The following STYXL2 variants were observed in gnomAD, a reference collection of about 807,000 sequenced individuals.
The protein encoded by STYXL2 is serine/threonine/tyrosine-interacting-like protein 2.
In STYXL2, 44 loss-of-function variants were observed where a neutral mutation model predicts 52.4. That is an observed-to-expected ratio of 0.84 (90% CI 0.66 to 1.08). The LOEUF (loss-of-function observed/expected upper bound fraction) is 1.08. Among genes scored for constraint, STYXL2 ranks in the 50% least tolerant of loss-of-function variants. STYXL2 has a pLI of 0.00. For missense variants in STYXL2, 1,604 were observed against 1,471.7 expected, an observed-to-expected ratio of 1.09 and a Z score of -1.47; for synonymous variants, 604 against 586.9, an observed-to-expected ratio of 1.03 and a Z score of -0.42.
chr1:167,100,255 CCTCT>C (rs1008329262), intron 2 of STYXL2, among the ~76,000 whole-genome samples: 7 of 152,214 alleles, frequency 4.6e-5, no homozygotes, highest in Admixed American at 1.3e-4. Context: ...GAAAAGCATT[CCTCT>C]CTCTTAACAA....
rs373710936 is a variant in STYXL2, at chr1:167,126,166, G to A, written c.1035G>A (p.Glu345=). 3.1e-5 allele frequency: 47 copies of A among 1,514,208 alleles called. No homozygotes were observed. The Admixed American group carries it at 3.5e-4, about 11-fold the overall frequency. The allele number at this position is 1,514,208 out of a possible 1,614,324, so 93.8% of individuals were successfully genotyped here. The change falls in exon 6 of 6, where the codon GAG becomes GAA. Residue 345 remains glutamate, a synonymous_variant. Transcript: ENST00000361200. ...AGCCCCTCACCCTCATAGACGAGGA[G>A]GAGGAGGAGAAACTGTACGAGCAGT... ...ASKPLTLIDE[E]EEEKLYEQWK...
rs1246457651 is a variant in STYXL2 at position 167,126,451 on chromosome 1, G to A, written c.1320G>A (p.Trp440Ter). 8.8e-6 allele frequency: 14 copies of A among 1,584,174 alleles called. No individual in the cohort carries two copies. Among genetic ancestry groups the A allele is most frequent in the Non-Finnish European group, 1.2e-5 (14 of 1,165,742 alleles). ...RRRTLSESSA[W>*]ESVSSHDIWV... ...GCACCCTGAGCGAGAGCAGCGCCTGGGAGAGCGTGAGCAGCCACGACATCT... is the reference window on the plus strand; with the variant it reads ...GCACCCTGAGCGAGAGCAGCGCCTGAGAGAGCGTGAGCAGCCACGACATCT... The change falls in exon 6 of 6, where the codon TGG becomes TGA. Residue 440 changes from tryptophan (W) to a stop codon, truncating the protein, a stop_gained. Coordinates refer to ENST00000361200, the MANE Select transcript of STYXL2 (RefSeq NM_001080426.3). LOFTEE classifies it low-confidence loss of function (END_TRUNC).
chr1:167,100,688 T>A (rs1667386053), intron 2 of STYXL2, among the ~76,000 whole-genome samples: 2 of 152,208 alleles, frequency 1.3e-5, no homozygotes. Context: ...CCTTAAAACA[T>A]GGCCCCACAT....
chr1:167,127,355 ATGC>A lies in STYXL2; in HGVS notation c.2230_2232del (p.Leu745del). On this transcript the variant is annotated inframe_deletion, in exon 6 of 6. Transcript: ENST00000361200. The stretch of plus-strand genomic sequence containing the variant: ...GACCCTTGCTCAGAAGCAAAATGAA[ATGC>A]TGCTGTTGTCCCGCTCACCGTCTGT... The A allele has an allele frequency of 6.2e-7, 1 of 1,614,190 alleles. No homozygotes were observed. The highest frequency in any genetic ancestry group is 8.5e-7 in the Non-Finnish European group (1 of 1,180,030).
intron 2 of STYXL2, among the ~76,000 whole-genome samples, chr1:167,105,450 C>T (rs1667490264): frequency 6.6e-6 from 1 of 152,154 alleles, no homozygotes. Context: ...TCTTGAACAG[C>T]CAGCCCTCAC....
chr1:167,094,721 C>A (rs959654412), intron 1 of STYXL2, 113 bp from the exon 2 acceptor site: 2 of 712,302 alleles, frequency 2.8e-6, no homozygotes, highest in South Asian at 1.8e-5. Context: ...TTTTGCCCAC[C>A]GGGACCTTCC....
At chr1:167,116,738 A>T (rs531668934) in intron 3 of STYXL2, among the ~76,000 whole-genome samples, 1 of 137,362 alleles carries the variant, frequency 7.3e-6, no homozygotes, top group South Asian at 2.2e-4. Context: ...TGCAACCTCC[A>T]TTTCCCAGGT....
chr1:167,097,491 T>G (rs1458360741), intron 2 of STYXL2, among the ~76,000 whole-genome samples: 1 of 152,188 alleles, frequency 6.6e-6, no homozygotes, highest in Non-Finnish European at 1.5e-5. Flanking sequence ...TATCTGAAAC[T>G]GTAAATTTGG....
At position 167,110,076 on chromosome 1, in the gene STYXL2, C is replaced by A. The variant is rs1469343767; in HGVS notation, c.111-3634C>A. On this transcript the variant is annotated intron_variant, in intron 2 of 5. Coordinates refer to ENST00000361200, the MANE Select transcript of STYXL2 (RefSeq NM_001080426.3). The stretch of plus-strand genomic sequence containing the variant: ...TTTGTAGACACTCCCCAGTACAAGC[C>A]TGAAGCCCTGGTGGCTCCACTGGGT... Among the ~76,000 whole-genome samples the A allele has an allele frequency of 2.6e-5, 4 of 152,228 alleles. No homozygotes were observed. The East Asian group carries it at 7.7e-4, about 29-fold the overall frequency.
intron 3 of STYXL2, among the ~76,000 whole-genome samples, chr1:167,115,658 C>T (rs527645687): frequency 3.9e-5 from 6 of 151,960 alleles, no homozygotes; most frequent in Admixed American, 1.3e-4. Context: ...GGAAGGGGAG[C>T]GGACTGAATT....
At chr1:167,102,055 A>T (rs182940463) in intron 2 of STYXL2, among the ~76,000 whole-genome samples, 2 of 152,110 alleles carry the variant, frequency 1.3e-5, no homozygotes, top group Admixed American at 1.3e-4. Context: ...AAAAGGGTAC[A>T]TACTATATTA....
In STYXL2 at chr1:167,113,160, C is replaced by T. The variant is rs1253427515; in HGVS notation, c.111-550C>T. 1.2e-4 allele frequency among the ~76,000 whole-genome samples: 19 copies of T among 152,276 alleles called. No homozygotes were observed. The East Asian group carries it at 2.3e-3, about 19-fold the overall frequency. ...ATTTCATGTGCTCAGAATCAGTACC[C>T]GTGCATTTGAGTTCATCTTTAGCAT... On this transcript the variant is annotated intron_variant, in intron 2 of 5. Coordinates refer to ENST00000361200, the MANE Select transcript of STYXL2 (RefSeq NM_001080426.3).
In STYXL2 at chr1:167,126,422, CG is replaced by C; in HGVS notation, c.1293del (p.Arg432AlafsTer3). ...CGCTGGCTCCTCGGTGGGGAGGCGG[CG>C]GCGCACCCTGAGCGAGAGCAGCGCC... ...SDAGSSVGRR[R>X]RTLSESSAWE... On this transcript the variant is annotated frameshift_variant, in exon 6 of 6. Transcript: ENST00000361200. LOFTEE classifies it low-confidence loss of function (END_TRUNC). 6.4e-7 allele frequency: 1 copy of C among 1,561,234 alleles called. No individual in the cohort carries two copies. The highest frequency in any genetic ancestry group is 1.2e-5 in the South Asian group (1 of 84,934).
At position 167,126,346 on chromosome 1, in the gene STYXL2, A is replaced by C; in HGVS notation, c.1215A>C (p.Ala405=). 1 of 1,534,652 alleles carries C rather than the reference A, an allele frequency of 6.5e-7. No individual in the cohort carries two copies. Among genetic ancestry groups the C allele is most frequent in the South Asian group, 1.2e-5 (1 of 81,030 alleles). ...AGAGCCGAAACGAGAGGTACCAAGC[A>C]GAAGGGTACCGGAGGTGGGGAAGGG... ...EWQSRNERYQ[A]EGYRRWGREE... Residue 405 remains alanine (A), a synonymous_variant, in exon 6 of 6, where the codon GCA becomes GCC. Coordinates refer to ENST00000361200, the MANE Select transcript of STYXL2 (RefSeq NM_001080426.3).
intron 2 of STYXL2, among the ~76,000 whole-genome samples, chr1:167,098,937 A>C (rs1667346513): frequency 6.6e-6 from 1 of 152,164 alleles, no homozygotes; most frequent in Admixed American, 6.5e-5. Context: ...TGCTGACACA[A>C]ATGTCCATGA....
Position 167,128,839 on chromosome 1 carries a change from C to T in STYXL2, c.*231C>T. 1.7e-6 allele frequency: 1 copy of T among 591,526 alleles called. No homozygotes were observed. The highest frequency in any genetic ancestry group is 2.8e-6 in the Non-Finnish European group (1 of 355,912). The allele number at this position is 591,526 out of a possible 1,614,324, so 36.6% of individuals were successfully genotyped here. A position where few individuals can be genotyped will look rare whatever the true frequency, so the allele number is the denominator to read the frequency against. ...AGGTCCGAATGCGGACCAACTGATA[C>T]CATTTTCTGTTGCTCAGCGCCCTCT... On this transcript the variant is annotated 3_prime_UTR_variant, in exon 6 of 6. Transcript: ENST00000361200.
rs372271523 is a variant in STYXL2 at position 167,113,716 on chromosome 1, G to A, written c.117G>A (p.Ser39=). Residue 39 remains serine (S), a synonymous_variant, in exon 3 of 6, where the codon TCG becomes TCA. Transcript: ENST00000361200. ...YLRSPSPSQY[S]MVSDAETESI... is the part of the protein sequence containing the mutation. ...GAATATCCTCTTCCCTTAGGTATTC[G>A]ATGGTCTCAGATGCAGAAACAGAAA... 34 of 1,612,430 alleles carry A rather than the reference G, an allele frequency of 2.1e-5. No individual in the cohort carries two copies. Among genetic ancestry groups the A allele is most frequent in the Admixed American group, 8.3e-5 (5 of 60,016 alleles).
rs1003246008 is a variant in STYXL2, at chr1:167,127,220, G to A, written c.2089G>A (p.Gly697Arg). The change falls in exon 6 of 6, where the codon GGG becomes AGG. Residue 697 changes from glycine to arginine, a missense_variant. Coordinates refer to ENST00000361200, the MANE Select transcript of STYXL2 (RefSeq NM_001080426.3). ...GTCTCAGGCTGCAAGCAACATAGCG[G>A]GGTGTTCAACCTCCAACCCCACCAC... ...HLSQAASNIAGCSTSNPTTPL... is the reference protein window; with the variant it reads ...HLSQAASNIARCSTSNPTTPL... The A allele has an allele frequency of 6.2e-7, 1 of 1,614,032 alleles. No individual in the cohort carries two copies. Among genetic ancestry groups the A allele is most frequent in the African/African-American group, 1.3e-5 (1 of 74,918 alleles).
Position 167,108,863 on chromosome 1 carries a change from G to A in STYXL2, c.111-4847G>A, listed in dbSNP as rs1400300366. 3.9e-5 allele frequency among the ~76,000 whole-genome samples: 6 copies of A among 152,328 alleles called. No homozygotes were observed. In the South Asian group the frequency reaches 1.0e-3, roughly 26 times the overall value. On this transcript the variant is annotated intron_variant, in intron 2 of 5. Coordinates refer to ENST00000361200, the MANE Select transcript of STYXL2 (RefSeq NM_001080426.3). Reference sequence around the variant, plus strand: ...CTGTGAATGCCCAAAGTGTGAGAGGGGGAAAGTCTGCCTCCAAACACACAT... The same window carrying A: ...CTGTGAATGCCCAAAGTGTGAGAGGAGGAAAGTCTGCCTCCAAACACACAT...
Sources: allele counts gnomAD v4.1 joint callset (sites outside exome capture counted in the v4.1 genomes callset), GRCh38; gene constraint gnomAD v4.1.1; transcripts MANE v1.5; gene names NCBI Gene and HGNC (gene_info 2026-07-23, HGNC 2026-07-21).